The following SENP1 variants were observed in gnomAD, a reference collection of about 807,000 sequenced individuals.
The protein encoded by SENP1 is SUMO specific peptidase 1.
SENP1 carries 21 observed loss-of-function variants against 93.0 expected under a neutral mutation model. The observed-to-expected ratio is 0.23, with a 90% CI of 0.16 to 0.33. The LOEUF (loss-of-function observed/expected upper bound fraction) is 0.33, where lower values mean the gene tolerates loss of function less well. Ranked by LOEUF, SENP1 falls within the 10% of genes least tolerant of loss-of-function variation. SENP1 has a pLI of 1.00. For synonymous variants in SENP1, 256 were observed against 259.6 expected (o/e 0.99, Z 0.13); for missense variants, 591 against 758.7 (o/e 0.78, Z 2.60).
In SENP1 at chr12:48,088,877, T is replaced by C; in HGVS notation, c.304A>G (p.Thr102Ala). 6.2e-7 allele frequency: 1 copy of C among 1,603,984 alleles called. No homozygotes were observed. The highest frequency in any genetic ancestry group is 8.5e-7 in the Non-Finnish European group (1 of 1,174,780). ...QSANGQWRNS[T>A]PSSSSSLQKS... ...TGTAAAGATGAGCTTGACGATGGGG[T>C]AGAATTTCTCCATTGGCCATTTGCA... The change falls in exon 5 of 18, where the codon ACC (threonine) becomes GCC (alanine). Residue 102 changes from threonine (T) to alanine (A), a missense_variant. Thr to Ala is a moderately conservative substitution (Grantham distance 58, BLOSUM62 0). Around this residue, in one of 4 missense-constraint regions of SENP1, gnomAD observed 214 missense variants for 243.4 expected, o/e 0.88. Transcript: ENST00000549518.
chr12:48,101,723 T>A (rs905957712), intron 1 of SENP1, among the ~76,000 whole-genome samples: 4 of 152,202 alleles, frequency 2.6e-5, no homozygotes, highest in Non-Finnish European at 5.9e-5. Flanking sequence ...CTGTACTACA[T>A]TAAACAGCAA....
intron 5 of SENP1, chr12:48,085,205 C>A (rs1167044376): frequency 6.7e-7 from 1 of 1,499,370 alleles, no homozygotes; most frequent in African/African-American, 1.4e-5. Context: ...TCAATGAGAT[C>A]GAAGACACTT....
chr12:48,074,824 A>G (rs757355296), intron 6 of SENP1, 31 bp from the exon 7 acceptor site: 2 of 1,387,144 alleles, frequency 1.4e-6, no homozygotes, highest in Non-Finnish European at 1.0e-6. Flanking sequence ...AAAACAGTTT[A>G]AACACATCCA....
rs1339678625 is a variant in SENP1 at position 48,052,184 on chromosome 12, A to T, written c.1408-3052T>A. 2.6e-5 allele frequency among the ~76,000 whole-genome samples: 4 copies of T among 152,152 alleles called. No individual in the cohort carries two copies. In the South Asian group the frequency reaches 8.3e-4, roughly 32 times the overall value. On this transcript the variant is annotated intron_variant, in intron 13 of 17. Coordinates refer to ENST00000549518, the MANE Select transcript of SENP1 (RefSeq NM_001267594.2). ...ACAATGTTTTCAAACTAAGGATTCA[A>T]TCTTTTTCCTGTACATTACCACAAT...
intron 1 of SENP1, among the ~76,000 whole-genome samples, chr12:48,101,817 A>G (rs1164880610): frequency 2.6e-5 from 4 of 152,236 alleles, no homozygotes; most frequent in Non-Finnish European, 5.9e-5. Context: ...AGTGGTTTGC[A>G]TAAAGTCATA....
At chr12:48,097,633 ATAGCACAGACATCT>A (rs1945652562) in intron 3 of SENP1, 1 of 160,834 alleles carries the variant, frequency 6.2e-6, no homozygotes, top group African/African-American at 2.4e-5. Flanking sequence ...ATCAGGCATT[ATAGCACAGACATCT>A]TAGAGCTGCT....
chr12:48,052,254 A>T (rs1941874830), intron 13 of SENP1, among the ~76,000 whole-genome samples: 1 of 152,214 alleles, frequency 6.6e-6, no homozygotes, highest in Non-Finnish European at 1.5e-5. Context: ...CTTCCCCAGT[A>T]AACCAGCCAA....
At chr12:48,099,773 C>T (rs1420435312) in intron 2 of SENP1, among the ~76,000 whole-genome samples, 1 of 152,188 alleles carries the variant, frequency 6.6e-6, no homozygotes, top group East Asian at 1.9e-4. Context: ...AACACCACTG[C>T]ACTCCAGCCT....
intron 8 of SENP1, among the ~76,000 whole-genome samples, chr12:48,073,077 T>C (rs973554590): frequency 2.0e-5 from 3 of 152,174 alleles, no homozygotes; most frequent in African/African-American, 7.2e-5. Flanking sequence ...ATCATTCTAT[T>C]ATGTATTTTC....
intron 4 of SENP1, among the ~76,000 whole-genome samples, chr12:48,092,747 T>C (rs1945295135): frequency 3.3e-5 from 5 of 152,200 alleles, no homozygotes; most frequent in Admixed American, 2.0e-4. Context: ...ACTGTTGATA[T>C]GGGAATCAAC....
Position 48,055,699 on chromosome 12 carries a change from G to C in SENP1, c.1408-6567C>G, listed in dbSNP as rs545835421. ...TGTAAAATCCACAGCACATTTCAAA[G>C]AGAAGGTAAAATATCTCAATAGTAT... On this transcript the variant is annotated intron_variant, in intron 13 of 17. Transcript: ENST00000549518. 2.6e-5 allele frequency: 4 copies of C among 151,314 alleles called. No homozygotes were observed. The South Asian group carries it at 6.2e-4, about 24-fold the overall frequency. The allele number at this position is 151,314 out of a possible 1,614,324, so 9.4% of individuals were successfully genotyped here. A position where few individuals can be genotyped will look rare whatever the true frequency, so the allele number is the denominator to read the frequency against.
At chr12:48,061,739 C>G in intron 13 of SENP1, among the ~76,000 whole-genome samples, 1 of 152,118 alleles carries the variant, frequency 6.6e-6, no homozygotes, top group Non-Finnish European at 1.5e-5. Context: ...AGTATCAATA[C>G]TTAAGGATAC....
chr12:48,050,303 A>G (rs748916657), intron 13 of SENP1, among the ~76,000 whole-genome samples: 2 of 152,242 alleles, frequency 1.3e-5, no homozygotes, highest in East Asian at 3.8e-4. Flanking sequence ...ACTGCCCAAC[A>G]GTAAGCAACG....
intron 12 of SENP1, 86 bp from the exon 13 acceptor site, chr12:48,063,927 A>C (rs1943124546): frequency 8.0e-7 from 1 of 1,244,176 alleles, no homozygotes; most frequent in African/African-American, 1.5e-5. Flanking sequence ...TAATCCTCAG[A>C]CTATATTTAT....
At chr12:48,082,929 G>A (rs1944588763) in intron 6 of SENP1, among the ~76,000 whole-genome samples, 1 of 151,844 alleles carries the variant, frequency 6.6e-6, no homozygotes, top group East Asian at 1.9e-4. Flanking sequence ...TTTTTGAGAT[G>A]GGTCTCACTC....
At chr12:48,045,491 T>C in intron 17 of SENP1, 107 bp from the exon 18 acceptor site, 1 of 847,444 alleles carries the variant, frequency 1.2e-6, no homozygotes, top group Admixed American at 2.1e-5. Context: ...ACAGTCTCAG[T>C]TGTATTTCTG....
chr12:48,062,301 T>G (rs946857109), intron 13 of SENP1, among the ~76,000 whole-genome samples: 2 of 152,246 alleles, frequency 1.3e-5, no homozygotes, highest in Non-Finnish European at 2.9e-5. Context: ...AGTGGATACT[T>G]ATAACTATCC....
chr12:48,104,274 CGGAG>C (rs1946259379), intron 1 of SENP1, among the ~76,000 whole-genome samples: 1 of 9,714 alleles, frequency 1.0e-4, no homozygotes, highest in African/African-American at 3.2e-4. Context: ...GGGGGGGGGG[CGGAG>C]GGAGGGAGAG....
intron 5 of SENP1, among the ~76,000 whole-genome samples, chr12:48,087,830 C>T (rs190100512): frequency 6.6e-6 from 1 of 152,164 alleles, no homozygotes; most frequent in Non-Finnish European, 1.5e-5. Flanking sequence ...CTAAACAGTA[C>T]ACTAAATAAT....
Sources: allele counts gnomAD v4.1 joint callset (sites outside exome capture counted in the v4.1 genomes callset), GRCh38; gene constraint gnomAD v4.1.1; regional missense constraint gnomAD v4.1.1; transcripts MANE v1.5; gene names NCBI Gene and HGNC (gene_info 2026-07-23, HGNC 2026-07-21).